PCDH15: variants seen among roughly 807,000 people sequenced by gnomAD.
PCDH15 encodes protocadherin related 15.
PCDH15 carries 129 observed loss-of-function variants against 178.5 expected under a neutral mutation model. That is an observed-to-expected ratio of 0.72 (90% CI 0.63 to 0.84). PCDH15 has a LOEUF of 0.84. PCDH15 is among the 40% of genes least tolerant of loss of function. PCDH15 has a pLI of 0.00. For synonymous variants in PCDH15, 800 were observed against 732.0 expected, an observed-to-expected ratio of 1.09 and a Z score of -1.50; for missense variants, 2,230 against 2,099.9, an observed-to-expected ratio of 1.06 and a Z score of -1.21.
chr10:54,769,153 C>A (rs1472823496), intron 1 of PCDH15, among the ~76,000 whole-genome samples: 1 of 152,022 alleles, frequency 6.6e-6, no homozygotes, highest in East Asian at 1.9e-4. Flanking sequence ...TTTTAAAAAT[C>A]TGTTGTTAAA....
chr10:54,583,821 A>T (rs1304766677), intron 2 of PCDH15, among the ~76,000 whole-genome samples: 1 of 152,120 alleles, frequency 6.6e-6, no homozygotes, highest in Non-Finnish European at 1.5e-5. Context: ...ACAAACTTTC[A>T]AAGGTAGATC....
intron 21 of PCDH15, among the ~76,000 whole-genome samples, chr10:53,971,596 G>C (rs1589695675): frequency 6.6e-6 from 1 of 152,076 alleles, no homozygotes; most frequent in African/African-American, 2.4e-5. Context: ...AAAGTCTCAG[G>C]ATACAAAATA....
intron 2 of PCDH15, among the ~76,000 whole-genome samples, chr10:55,350,254 T>C (rs1565042913): frequency 4.5e-5 from 3 of 66,086 alleles, no homozygotes; most frequent in African/African-American, 2.2e-4. Flanking sequence ...TATATATATA[T>C]ATATATATAT....
chr10:54,917,768 G>T (rs1365425050), intron 2 of PCDH15, among the ~76,000 whole-genome samples: 1 of 152,094 alleles, frequency 6.6e-6, no homozygotes, highest in African/African-American at 2.4e-5. Flanking sequence ...CATAAAAATG[G>T]GGAAGGTTCT....
chr10:53,807,251 G>C (rs1049024395), intron 37 of PCDH15, 121 bp from the exon 38 acceptor site: 1 of 787,170 alleles, frequency 1.3e-6, no homozygotes. Flanking sequence ...AATCACTCAA[G>C]AGAGATAGAA....
intron 2 of PCDH15, among the ~76,000 whole-genome samples, chr10:54,957,036 G>A (rs1287115254): frequency 6.6e-6 from 1 of 151,604 alleles, no homozygotes; most frequent in African/African-American, 2.4e-5. Flanking sequence ...CCTGTACTGA[G>A]TTATAAGACT....
intron 18 of PCDH15, among the ~76,000 whole-genome samples, chr10:54,049,506 G>A (rs985517305): frequency 6.6e-6 from 1 of 152,144 alleles, no homozygotes; most frequent in African/African-American, 2.4e-5. Flanking sequence ...CTGTGGATCT[G>A]CCATAGATGG....
chr10:54,122,135 A>G (rs2041583691), intron 15 of PCDH15, among the ~76,000 whole-genome samples: 1 of 151,912 alleles, frequency 6.6e-6, no homozygotes, highest in African/African-American at 2.4e-5. Context: ...CAAATTCAAC[A>G]ACACATCAAA....
At chr10:54,072,268 A>G (rs1467596717) in intron 17 of PCDH15, among the ~76,000 whole-genome samples, 1 of 152,180 alleles carries the variant, frequency 6.6e-6, no homozygotes, top group African/African-American at 2.4e-5. Context: ...ATATTCAATA[A>G]TAAGTATAGT....
intron 10 of PCDH15, among the ~76,000 whole-genome samples, chr10:54,210,183 G>A (rs2051264394): frequency 6.6e-6 from 1 of 152,000 alleles, no homozygotes; most frequent in Non-Finnish European, 1.5e-5. Flanking sequence ...GAATTTATGT[G>A]GAAATCTATT....
intron 2 of PCDH15, among the ~76,000 whole-genome samples, chr10:55,509,132 T>C (rs1261728522): frequency 6.6e-6 from 1 of 151,680 alleles, no homozygotes; most frequent in African/African-American, 2.4e-5. Flanking sequence ...GTCCAACCAA[T>C]CTGTCGAGGT....
intron 2 of PCDH15, among the ~76,000 whole-genome samples, chr10:54,987,949 C>A (rs1465745789): frequency 1.3e-5 from 2 of 152,070 alleles, no homozygotes; most frequent in Non-Finnish European, 2.9e-5. Flanking sequence ...TGCCTGTGTG[C>A]TAAATGGTAT....
At chr10:54,956,702 C>A (rs924662250) in intron 2 of PCDH15, among the ~76,000 whole-genome samples, 1 of 151,438 alleles carries the variant, frequency 6.6e-6, no homozygotes, top group African/African-American at 2.4e-5. Flanking sequence ...TTATCCAGGA[C>A]TATTTAGTAG....
At chr10:53,908,677 T>C (rs10509002) in intron 25 of PCDH15, among the ~76,000 whole-genome samples, 8,294 of 152,248 alleles carry the variant, frequency 0.054, 308 homozygotes, top group Non-Finnish European at 0.085. Flanking sequence ...TTAGTCTGAT[T>C]AAAAAACATA....
intron 2 of PCDH15, among the ~76,000 whole-genome samples, chr10:55,147,464 T>A (rs67482714): frequency 0.54 from 81,191 of 150,460 alleles, 22,112 homozygotes; most frequent in South Asian, 0.64. Flanking sequence ...TTAAAAAAAA[T>A]TTTTTTGGAA....
intron 1 of PCDH15, among the ~76,000 whole-genome samples, chr10:55,270,440 G>GA (rs150541568): frequency 0.18 from 26,307 of 145,528 alleles, 3,005 homozygotes; most frequent in East Asian, 0.38. Context: ...AAAACAAAAT[G>GA]AAAAAAAAAA....
chr10:55,397,810 C>T (rs989085442), intron 2 of PCDH15, among the ~76,000 whole-genome samples: 1 of 151,650 alleles, frequency 6.6e-6, no homozygotes, highest in Admixed American at 6.6e-5. Flanking sequence ...TGGTCTCGAA[C>T]GAACTCCTGA....
At chr10:54,153,400 G>C in intron 13 of PCDH15, 107 bp from the exon 14 acceptor site, 1 of 1,265,522 alleles carries the variant, frequency 7.9e-7, no homozygotes, top group African/African-American at 1.5e-5. Flanking sequence ...AAAAACACAG[G>C]AAAGTTTCCT....
intron 2 of PCDH15, among the ~76,000 whole-genome samples, chr10:55,057,570 C>G (rs1217171036): frequency 2.0e-5 from 3 of 152,176 alleles, no homozygotes; most frequent in Admixed American, 1.3e-4. Flanking sequence ...GACTGGCATA[C>G]AGAAAGCATG....
Sources: allele counts gnomAD v4.1 joint callset (sites outside exome capture counted in the v4.1 genomes callset), GRCh38; gene constraint gnomAD v4.1.1; transcripts MANE v1.5; gene names NCBI Gene and HGNC (gene_info 2026-07-23, HGNC 2026-07-21).